C2: variants seen among roughly 807,000 people sequenced by gnomAD.
C2 encodes complement C2, also known as C3/C5 convertase.
Under a neutral mutation model 85.2 loss-of-function variants are expected in C2, and 64 were observed. The observed-to-expected ratio is 0.75, with a 90% CI of 0.61 to 0.92. The LOEUF (loss-of-function observed/expected upper bound fraction) is 0.92. C2 is among the 40% of genes least tolerant of loss of function. The probability of loss-of-function intolerance (pLI) is 0.00; values close to 1 mark genes in which losing one functional copy is unlikely to be tolerated. For missense variants in C2, 820 were observed against 971.6 expected (o/e 0.84, Z 2.07); for synonymous variants, 311 against 370.8 (o/e 0.84, Z 1.85).
chr6:31,932,179 C>T, intron 3 of C2, among the ~76,000 whole-genome samples: 1 of 144,704 alleles, frequency 6.9e-6, no homozygotes, highest in African/African-American at 2.6e-5. Context: ...TCCTCACTTC[C>T]CAGTAGGGGC....
chr6:31,935,867 C>G lies in C2; in HGVS notation c.850-56C>G. On this transcript the variant is annotated intron_variant, in intron 6 of 17. Transcript: ENST00000299367. The surrounding 1 kb of genome is among the most constrained non-coding windows in gnomAD (Gnocchi z 4.3). ...CCAGGGCCCTTTGTTTGCTCTCTTA[C>G]CATCTCCCCTTTGGCTTCAGGGCCC... 1 of 1,601,440 alleles carries G rather than the reference C, an allele frequency of 6.2e-7. No individual in the cohort carries two copies. The highest frequency in any genetic ancestry group is 8.5e-7 in the Non-Finnish European group (1 of 1,172,226).
In C2 at chr6:31,927,951, C is replaced by G. The variant is rs750561586; in HGVS notation, c.47-4C>G. ...TTGCTGTCTCCTTGTTCCCACGGCT[C>G]TAGGTCTGGCAGACTCGGCTCCCTC... is the stretch of plus-strand genomic sequence containing the variant. On this transcript the variant is annotated splice_region_variant and splice_polypyrimidine_tract_variant and intron_variant, in intron 1 of 17. Transcript: ENST00000299367. This position sits in a 1 kb window ranked among gnomAD's most constrained non-coding sequence, Gnocchi z 4.7. 2.5e-6 allele frequency: 4 copies of G among 1,613,520 alleles called. No homozygotes were observed. The highest frequency in any genetic ancestry group is 3.4e-6 in the Non-Finnish European group (4 of 1,179,532).
At chr6:31,907,028 T>TACTCAGGAGGCTG (rs1214818212) in intron 1 of C2, among the ~76,000 whole-genome samples, 3 of 151,304 alleles carry the variant, frequency 2.0e-5, no homozygotes, top group Non-Finnish European at 4.4e-5. Context: ...TAATCCCAGC[T>TACTCAGGAGGCTG]ACTCAGGAGG....
intron 9 of C2, among the ~76,000 whole-genome samples, chr6:31,940,284 C>T (rs1046147024): frequency 3.3e-5 from 5 of 152,146 alleles, no homozygotes; most frequent in African/African-American, 1.2e-4. Context: ...ATATGTTAGC[C>T]ATGACCACGA....
rs752881306 is a variant in C2, at chr6:31,937,361, A to G, written c.1031A>G (p.Asn344Ser). ...GGGACTAACACCTATGCGGCCTTAAACAGTGTCTATCTCATGATGAACAAC... is the reference window on the plus strand; with the variant it reads ...GGGACTAACACCTATGCGGCCTTAAGCAGTGTCTATCTCATGATGAACAAC... ...GTGTNTYAAL[N>S]SVYLMMNNQM... is the part of the protein sequence containing the mutation. The change falls in exon 8 of 18, where the codon AAC (asparagine) becomes AGC (serine). Residue 344 changes from asparagine to serine, a missense_variant. Transcript: ENST00000299367. 6 of 1,612,784 alleles carry G rather than the reference A, an allele frequency of 3.7e-6. No individual in the cohort carries two copies. The African/African-American group carries it at 5.3e-5, about 14-fold the overall frequency.
chr6:31,945,158 A>G lies in C2; in HGVS notation c.2080-20A>G. 5.6e-6 allele frequency: 9 copies of G among 1,612,700 alleles called. No individual in the cohort carries two copies. The highest frequency in any genetic ancestry group is 7.6e-6 in the Non-Finnish European group (9 of 1,179,822). On this transcript the variant is annotated intron_variant, in intron 17 of 17. Transcript: ENST00000299367. The surrounding 1 kb of genome is among the most constrained non-coding windows in gnomAD (Gnocchi z 5.3). ...TTGGGGCTGTGGCAGCCTCCCAGCC[A>G]GTTCTCTCCTTTTCTCCAGGTGGGT...
chr6:31,928,834 G>C lies in C2; in HGVS notation c.359G>C (p.Gly120Ala), dbSNP rs1769485559. ...AATGTGAGCTTCGAGTGTGAGGATG[G>C]CTTCATATTGCGGGGCTCGCCTGTG... ...GGNVSFECED[G>A]FILRGSPVRQ... Residue 120 changes from glycine to alanine, a missense_variant, in exon 3 of 18, where the codon GGC (glycine) becomes GCC (alanine). Coordinates refer to ENST00000299367, the MANE Select transcript of C2 (RefSeq NM_000063.6). 1 of 1,614,246 alleles carries C rather than the reference G, an allele frequency of 6.2e-7. No individual in the cohort carries two copies.
Position 31,928,059 on chromosome 6 carries a change from T to C in C2, c.151T>C (p.Cys51Arg). ...TCCTGGGAGCCTTCTCACCTACTCC[T>C]GCCCCCAGGGCCTGTACCCATCCCC... ...WAPGSLLTYSCPQGLYPSPAS... is the reference protein window; with the variant it reads ...WAPGSLLTYSRPQGLYPSPAS... The change falls in exon 2 of 18, where the codon TGC becomes CGC. Residue 51 changes from cysteine to arginine, a missense_variant. Transcript: ENST00000299367. The C allele has an allele frequency of 6.2e-7, 1 of 1,614,098 alleles. No individual in the cohort carries two copies. The highest frequency in any genetic ancestry group is 1.3e-5 in the African/African-American group (1 of 75,018).
chr6:31,910,307 C>T (rs970576555), intron 1 of C2, among the ~76,000 whole-genome samples: 4 of 151,182 alleles, frequency 2.6e-5, no homozygotes, highest in Non-Finnish European at 4.4e-5. Flanking sequence ...TGTGTGTCTT[C>T]TCTGGAGAAA....
rs1769385708 is a variant in C2 at position 31,927,902 on chromosome 6, A to G, written c.47-53A>G. The G allele has an allele frequency of 1.3e-6, 2 of 1,594,112 alleles. No individual in the cohort carries two copies. The highest frequency in any genetic ancestry group is 3.3e-5 in the Admixed American group (2 of 59,944). On this transcript the variant is annotated intron_variant, in intron 1 of 17. Coordinates refer to ENST00000299367, the MANE Select transcript of C2 (RefSeq NM_000063.6). The surrounding 1 kb of genome is among the most constrained non-coding windows in gnomAD (Gnocchi z 4.7). ...CAGTCTCTTTTGCTTTCCTTTTCTC[A>G]TCTGTGTCTTCCTTCTTTCTCCATT...
At chr6:31,924,278 GTTATAACCA>G, upstream of C2, among the ~76,000 whole-genome samples, 1 of 152,322 alleles carries the variant, frequency 6.6e-6, no homozygotes, top group South Asian at 2.1e-4. Context: ...GTTTGGCTTT[GTTATAACCA>G]AGCTAGAATA....
chr6:31,930,937 C>G (rs1431787208), intron 3 of C2, among the ~76,000 whole-genome samples: 1 of 152,230 alleles, frequency 6.6e-6, no homozygotes, highest in Non-Finnish European at 1.5e-5. Flanking sequence ...CTAATCACCA[C>G]CCAAGACAGA....
chr6:31,926,634 A>T (rs1454273353), upstream of C2, among the ~76,000 whole-genome samples: 50 of 136,150 alleles, frequency 3.7e-4, no homozygotes, highest in Non-Finnish European at 5.7e-4. Context: ...GCCCGGTCTT[A>T]TTTTTTTTTT....
chr6:31,932,967 C>G (rs1468676891), intron 3 of C2, among the ~76,000 whole-genome samples: 1 of 152,250 alleles, frequency 6.6e-6, no homozygotes, highest in African/African-American at 2.4e-5. Flanking sequence ...AATACGAAAA[C>G]CAGTCAGGCG....
upstream of C2, among the ~76,000 whole-genome samples, chr6:31,927,281 C>A (rs1160057983): frequency 6.6e-6 from 1 of 152,164 alleles, no homozygotes; most frequent in African/African-American, 2.4e-5. This position sits in a 1 kb window ranked among gnomAD's most constrained non-coding sequence, Gnocchi z 4.7. Context: ...TTGGTACAAC[C>A]CAAAAGAACA....
intron 3 of C2, among the ~76,000 whole-genome samples, chr6:31,930,125 A>G (rs1194436654): frequency 6.7e-6 from 1 of 148,938 alleles, no homozygotes; most frequent in Admixed American, 6.7e-5. Flanking sequence ...CTTGTTGCCC[A>G]GGCTGGAGTG....
chr6:31,925,019 A>G (rs550934907), upstream of C2, among the ~76,000 whole-genome samples: 2 of 152,098 alleles, frequency 1.3e-5, no homozygotes, highest in Non-Finnish European at 2.9e-5. Context: ...GATTCCTCAG[A>G]AGTTGTCCTG....
At chr6:31,902,329 C>T (rs1184890595) in intron 1 of C2, among the ~76,000 whole-genome samples, 3 of 151,872 alleles carry the variant, frequency 2.0e-5, no homozygotes, top group African/African-American at 7.2e-5. Context: ...CACTCGGGCC[C>T]GCCCCCCAAT....
At chr6:31,926,962 T>C (rs1769306804), upstream of C2, among the ~76,000 whole-genome samples, 1 of 152,224 alleles carries the variant, frequency 6.6e-6, no homozygotes, top group Admixed American at 6.5e-5. Flanking sequence ...TTTAAAGGCA[T>C]ATCCCAGCCC....
Sources: allele counts gnomAD v4.1 joint callset (sites outside exome capture counted in the v4.1 genomes callset), GRCh38; gene constraint gnomAD v4.1.1; non-coding constraint Gnocchi (gnomAD v3.1); transcripts MANE v1.5; gene names NCBI Gene and HGNC (gene_info 2026-07-23, HGNC 2026-07-21).